Variants in CLCN6 observed in about 807,000 individuals in gnomAD.
CLCN6 encodes H(+)/Cl(-) exchange transporter 6.
Under a neutral mutation model 109.8 loss-of-function variants are expected in CLCN6, and 70 were observed. The observed-to-expected ratio is 0.64, with a 90% CI of 0.53 to 0.78. The LOEUF (loss-of-function observed/expected upper bound fraction) is 0.78, where lower values mean the gene tolerates loss of function less well. Ranked by LOEUF, CLCN6 falls within the 30% of genes least tolerant of loss-of-function variation. The pLI is 0.00. For synonymous variants in CLCN6, 444 were observed against 447.8 expected (o/e 0.99, Z 0.11); for missense variants, 984 against 1,142.3 (o/e 0.86, Z 2.00).
intron 7 of CLCN6, 51 bp from the exon 8 acceptor site, chr1:11,824,435 C>T: frequency 6.7e-7 from 1 of 1,485,160 alleles, no homozygotes; most frequent in African/African-American, 1.4e-5. Flanking sequence ...TCTCCTGACC[C>T]AGGGGCGTTT....
chr1:11,842,269 T>C lies in CLCN6; in HGVS notation c.*2046T>C, dbSNP rs1645034479. On this transcript the variant is annotated 3_prime_UTR_variant, in exon 23 of 23. Coordinates refer to ENST00000346436, the MANE Select transcript of CLCN6 (RefSeq NM_001286.5). The stretch of plus-strand genomic sequence containing the variant: ...TTCATCCCTCGTGCACATCCTGTTG[T>C]GTTTAAGTCACCAGATATTTTGTTC... 6.6e-6 allele frequency: 1 copy of C among 152,624 alleles called. No individual in the cohort carries two copies. Among genetic ancestry groups the C allele is most frequent in the African/African-American group, 2.4e-5 (1 of 41,466 alleles). 9.5% of individuals were successfully genotyped at this position (152,624 alleles called of 1,614,324 possible). A position where few individuals can be genotyped will look rare whatever the true frequency, so the allele number is the denominator to read the frequency against.
At chr1:11,810,598 A>T (rs536104792) in intron 2 of CLCN6, among the ~76,000 whole-genome samples, 1 of 152,250 alleles carries the variant, frequency 6.6e-6, no homozygotes, top group Non-Finnish European at 1.5e-5. Flanking sequence ...CAAGACACAG[A>T]TAACATTTTA....
In CLCN6 at chr1:11,842,259, C is replaced by T. The variant is rs1489525427; in HGVS notation, c.*2036C>T. Reference sequence around the variant, plus strand: ...GTTATTGGAATTCATCCCTCGTGCACATCCTGTTGTGTTTAAGTCACCAGA... The same window carrying T: ...GTTATTGGAATTCATCCCTCGTGCATATCCTGTTGTGTTTAAGTCACCAGA... On this transcript the variant is annotated 3_prime_UTR_variant, in exon 23 of 23. Transcript: ENST00000346436. The T allele has an allele frequency of 6.6e-6, 1 of 152,552 alleles. No homozygotes were observed. Among genetic ancestry groups the T allele is most frequent in the Non-Finnish European group, 1.5e-5 (1 of 68,060 alleles). 9.4% of individuals were successfully genotyped at this position (152,552 alleles called of 1,614,324 possible).
At position 11,834,677 on chromosome 1, in the gene CLCN6, T is replaced by A; in HGVS notation, c.1793+87T>A. The A allele has an allele frequency of 8.9e-7, 1 of 1,119,654 alleles. No individual in the cohort carries two copies. The highest frequency in any genetic ancestry group is 1.3e-6 in the Non-Finnish European group (1 of 754,158). The allele number at this position is 1,119,654 out of a possible 1,614,324, so 69.4% of individuals were successfully genotyped here. On this transcript the variant is annotated intron_variant, in intron 17 of 22. Transcript: ENST00000346436. This position sits in a 1 kb window ranked among gnomAD's most constrained non-coding sequence, Gnocchi z 4.5. ...ATGTTGTTATTAGGGTAGGAAACAG[T>A]AACTCACTTTTCTTGGGCTGAAAGA...
chr1:11,812,153 C>T (rs1644606825), intron 2 of CLCN6, among the ~76,000 whole-genome samples: 1 of 152,164 alleles, frequency 6.6e-6, no homozygotes, highest in Non-Finnish European at 1.5e-5. Flanking sequence ...CATTTCTCAG[C>T]AGCTGGCAGT....
intron 2 of CLCN6, among the ~76,000 whole-genome samples, chr1:11,808,861 C>G (rs12130885): frequency 2.0e-5 from 3 of 150,518 alleles, no homozygotes; most frequent in African/African-American, 7.3e-5. Context: ...CTTTTTTTTT[C>G]TTTTTTTTAA....
chr1:11,807,689 G>A (rs1384197514), intron 2 of CLCN6, among the ~76,000 whole-genome samples: 3 of 152,172 alleles, frequency 2.0e-5, no homozygotes, highest in African/African-American at 7.2e-5. Context: ...AACACTGCTG[G>A]GGTGAAACAA....
At chr1:11,829,087 G>A (rs1304244842) in intron 12 of CLCN6, 109 bp from the exon 13 acceptor site, 12 of 1,293,196 alleles carry the variant, frequency 9.3e-6, no homozygotes, top group Non-Finnish European at 1.3e-5. Flanking sequence ...GGGCTGCTGT[G>A]AATGCTGTTT....
chr1:11,819,916 C>T (rs1158603577), intron 5 of CLCN6, among the ~76,000 whole-genome samples: 1 of 151,884 alleles, frequency 6.6e-6, no homozygotes, highest in East Asian at 1.9e-4. Context: ...TTCTAAATGA[C>T]AAGAAGGTGG....
intron 2 of CLCN6, among the ~76,000 whole-genome samples, chr1:11,811,218 A>G (rs1257488994): frequency 2.0e-5 from 3 of 152,048 alleles, no homozygotes; most frequent in African/African-American, 4.8e-5. Context: ...CAAAAAAAAA[A>G]GGGATTCTGG....
At chr1:11,814,462 G>A (rs1250949859) in intron 2 of CLCN6, among the ~76,000 whole-genome samples, 1 of 151,854 alleles carries the variant, frequency 6.6e-6, no homozygotes, top group Non-Finnish European at 1.5e-5. Context: ...TGCCTAGGCT[G>A]GTCTCGAACT....
chr1:11,823,246 C>T (rs964664872), intron 6 of CLCN6, among the ~76,000 whole-genome samples: 1 of 152,138 alleles, frequency 6.6e-6, no homozygotes. Flanking sequence ...CACCTAAGAT[C>T]GGGAGTTTGA....
chr1:11,817,034 C>G (rs551463004), intron 4 of CLCN6, among the ~76,000 whole-genome samples: 2 of 152,214 alleles, frequency 1.3e-5, no homozygotes, highest in East Asian at 1.9e-4. Context: ...AGATGTCTCC[C>G]TAATGGGTAG....
intron 11 of CLCN6, 68 bp downstream of exon 11, chr1:11,828,287 C>G: frequency 6.7e-7 from 1 of 1,486,952 alleles, no homozygotes; most frequent in Non-Finnish European, 9.4e-7. Flanking sequence ...AGTGAAGGAC[C>G]AGAGAGAAAT....
intron 20 of CLCN6, 113 bp from the exon 21 acceptor site, chr1:11,838,222 C>A (rs1644974425): frequency 6.4e-6 from 6 of 940,546 alleles, no homozygotes; most frequent in Non-Finnish European, 9.8e-6. Flanking sequence ...GCTGCACCAC[C>A]TGCCTCAGCA....
rs555422777 is a variant in CLCN6 at position 11,837,209 on chromosome 1, G to C, written c.2138+53G>C. 4.4e-4 allele frequency: 714 copies of C among 1,605,330 alleles called. 1 individual carries two copies. The highest frequency in any genetic ancestry group is 5.6e-4 in the Non-Finnish European group (654 of 1,176,646). On this transcript the variant is annotated intron_variant, in intron 19 of 22. Transcript: ENST00000346436. ...CCGCAGGGCTACACAGCGGTGGGGT[G>C]AGCCTTTGGCTCAGATGTTGTGAGG...
intron 13 of CLCN6, among the ~76,000 whole-genome samples, chr1:11,830,762 T>TATATATATATAC: frequency 7.4e-6 from 1 of 134,876 alleles, no homozygotes; most frequent in Middle Eastern, 3.6e-3. Context: ...TATATATATA[T>TATATATATATAC]ATACACACAC....
chr1:11,819,444 C>T, intron 4 of CLCN6, 44 bp from the exon 5 acceptor site: 1 of 1,569,102 alleles, frequency 6.4e-7, no homozygotes, highest in South Asian at 1.1e-5. Flanking sequence ...ACTTGTGCTA[C>T]ACTTGGAAAT....
In CLCN6 at chr1:11,834,159, A is replaced by G. The variant is rs1460249690; in HGVS notation, c.1527-77A>G. 1 of 1,594,406 alleles carries G rather than the reference A, an allele frequency of 6.3e-7. No individual in the cohort carries two copies. The highest frequency in any genetic ancestry group is 8.5e-7 in the Non-Finnish European group (1 of 1,170,922). On this transcript the variant is annotated intron_variant, in intron 15 of 22. Coordinates refer to ENST00000346436, the MANE Select transcript of CLCN6 (RefSeq NM_001286.5). The surrounding 1 kb of genome is among the most constrained non-coding windows in gnomAD (Gnocchi z 4.5). Reference sequence around the variant, plus strand: ...GCATGCACATATGTGCATAGGCACAAGAGTATGAGCTGTAGGTCCTCCCCA... The same window carrying G: ...GCATGCACATATGTGCATAGGCACAGGAGTATGAGCTGTAGGTCCTCCCCA...
Sources: gnomAD v4.1 joint callset for allele counts (sites outside exome capture counted in the v4.1 genomes callset) on GRCh38, gnomAD v4.1.1 for gene constraint, Gnocchi (gnomAD v3.1) non-coding constraint, MANE v1.5 for transcripts, NCBI Gene and HGNC (gene_info 2026-07-23, HGNC 2026-07-21) for gene names.